The following NALF1 variants were observed in gnomAD, a reference collection of about 807,000 sequenced individuals.
NALF1 encodes family with sequence similarity 155 member A.
A neutral mutation model predicts 48.4 loss-of-function variants in NALF1; 3 were observed. That is an observed-to-expected ratio of 0.06 (90% CI 0.03 to 0.16). The LOEUF (loss-of-function observed/expected upper bound fraction) is 0.16, where lower values mean the gene tolerates loss of function less well. Among genes scored for constraint, NALF1 ranks in the 10% least tolerant of loss-of-function variants. NALF1 has a pLI of 1.00. For synonymous variants in NALF1, 262 were observed against 245.7 expected, an observed-to-expected ratio of 1.07 and a Z score of -0.62; for missense variants, 526 against 571.5, an observed-to-expected ratio of 0.92 and a Z score of 0.81.
intron 1 of NALF1, among the ~76,000 whole-genome samples, chr13:107,308,121 C>T (rs1413717533): frequency 1.3e-5 from 2 of 151,730 alleles, no homozygotes; most frequent in African/African-American, 4.8e-5. Flanking sequence ...CATTGCATTC[C>T]TCCATTATTT....
chr13:107,786,858 A>C (rs942754604), intron 1 of NALF1, among the ~76,000 whole-genome samples: 1 of 152,196 alleles, frequency 6.6e-6, no homozygotes, highest in Non-Finnish European at 1.5e-5. Context: ...ACTCACTGAA[A>C]TCTAACTCAC....
At chr13:107,328,273 TACACACACACACAC>T (rs34987619) in intron 1 of NALF1, among the ~76,000 whole-genome samples, 50 of 144,112 alleles carry the variant, frequency 3.5e-4, no homozygotes, top group Middle Eastern at 3.5e-3. Context: ...TCTCCTGCAA[TACACACACACACAC>T]ACACACACAC....
chr13:107,849,364 T>C (rs116292523), intron 1 of NALF1, among the ~76,000 whole-genome samples: 2,881 of 152,282 alleles, frequency 0.019, 45 homozygotes, highest in African/African-American at 0.045. Context: ...ATATTGATAG[T>C]TCTCTCCTCT....
chr13:107,286,578 C>A (rs1189373892), intron 1 of NALF1, among the ~76,000 whole-genome samples: 1 of 137,610 alleles, frequency 7.3e-6, no homozygotes, highest in African/African-American at 2.7e-5. Context: ...CAGAGTAAGA[C>A]CCTGTCTCAA....
intron 1 of NALF1, among the ~76,000 whole-genome samples, chr13:107,257,345 T>G (rs1241186936): frequency 6.6e-6 from 1 of 152,144 alleles, no homozygotes; most frequent in Non-Finnish European, 1.5e-5. Context: ...TGATCTCTCC[T>G]CCCATGGGGC....
At chr13:107,492,669 A>G (rs114855796) in intron 1 of NALF1, among the ~76,000 whole-genome samples, 2,793 of 152,180 alleles carry the variant, frequency 0.018, 101 homozygotes, top group African/African-American at 0.064. Context: ...TCAGTTTTGC[A>G]CTGTCTGTAA....
chr13:107,469,673 T>C (rs1292839975), intron 1 of NALF1, among the ~76,000 whole-genome samples: 1 of 151,912 alleles, frequency 6.6e-6, no homozygotes, highest in East Asian at 1.9e-4. Context: ...ATATTTTTTA[T>C]CTGTAGTTGG....
chr13:107,693,700 T>C (rs1185602575), intron 1 of NALF1, among the ~76,000 whole-genome samples: 1 of 152,056 alleles, frequency 6.6e-6, no homozygotes, highest in Non-Finnish European at 1.5e-5. Flanking sequence ...ATATCGCCAT[T>C]CTAATTGCCA....
Position 107,165,092 on chromosome 13 carries a change from G to T in NALF1, c.*5405C>A, listed in dbSNP as rs1878631640. On this transcript the variant is annotated 3_prime_UTR_variant, in exon 3 of 3. Coordinates refer to ENST00000375915, the MANE Select transcript of NALF1 (RefSeq NM_001080396.3). ...TCCCTAAACCATGGCTTTGCCCTAA[G>T]ATCCTGTGCCTTTTCTCCACATTAA... 6.6e-6 allele frequency: 1 copy of T among 152,126 alleles called. No individual in the cohort carries two copies. Among genetic ancestry groups the T allele is most frequent in the Admixed American group, 6.5e-5 (1 of 15,272 alleles). 9.4% of individuals were successfully genotyped at this position (152,126 alleles called of 1,614,324 possible).
chr13:107,432,122 C>G (rs1884392900), intron 1 of NALF1, among the ~76,000 whole-genome samples: 1 of 152,080 alleles, frequency 6.6e-6, no homozygotes, highest in African/African-American at 2.4e-5. Context: ...AGGAAGCTTT[C>G]AAACATGGCA....
chr13:107,830,642 G>A (rs1247122911), intron 1 of NALF1, among the ~76,000 whole-genome samples: 2 of 152,128 alleles, frequency 1.3e-5, no homozygotes, highest in African/African-American at 4.8e-5. Context: ...GGAGCGGGGG[G>A]AGGATTCTTG....
intron 2 of NALF1, among the ~76,000 whole-genome samples, chr13:107,184,842 T>C (rs1230538117): frequency 6.6e-6 from 1 of 152,218 alleles, no homozygotes; most frequent in Non-Finnish European, 1.5e-5. Context: ...CTGTGTTTTA[T>C]AGGTTACACT....
At chr13:107,454,332 T>C (rs1407879745) in intron 1 of NALF1, among the ~76,000 whole-genome samples, 1 of 152,182 alleles carries the variant, frequency 6.6e-6, no homozygotes, top group African/African-American at 2.4e-5. Flanking sequence ...CAGTTCAGCA[T>C]GTCTGGGGAG....
In NALF1 at chr13:107,334,216, G is replaced by C. The variant is rs183049109; in HGVS notation, c.916-123461C>G. Reference sequence around the variant, plus strand: ...TAGTAATAGTCTAAAGATTTGCATAGAGGGACATCATTTTAACCTGGGGTG... The same window carrying C: ...TAGTAATAGTCTAAAGATTTGCATACAGGGACATCATTTTAACCTGGGGTG... On this transcript the variant is annotated intron_variant, in intron 1 of 2. Transcript: ENST00000375915. Among the ~76,000 whole-genome samples, 178 of 152,270 alleles carry C rather than the reference G, an allele frequency of 1.2e-3. 2 individuals carry two copies. In the Middle Eastern group the frequency reaches 0.034, roughly 29 times the overall value.
At chr13:107,510,155 G>A (rs1024018761) in intron 1 of NALF1, among the ~76,000 whole-genome samples, 3 of 152,114 alleles carry the variant, frequency 2.0e-5, no homozygotes, top group Non-Finnish European at 4.4e-5. Context: ...TATCCCGGTA[G>A]AACACCTAAT....
chr13:107,257,200 C>G (rs1476561721), intron 1 of NALF1, among the ~76,000 whole-genome samples: 1 of 152,098 alleles, frequency 6.6e-6, no homozygotes, highest in Non-Finnish European at 1.5e-5. Flanking sequence ...CCAGTCACCT[C>G]CCTCCCTTGA....
rs189142390 is a variant in NALF1 at position 107,630,414 on chromosome 13, C to T, written c.915+235268G>A. Among the ~76,000 whole-genome samples the T allele has an allele frequency of 1.0e-3, 157 of 152,112 alleles. 2 individuals carry two copies. In the East Asian group the frequency reaches 0.02, roughly 19 times the overall value. ...CAGCATCCCCACCTGACTGGGAAAA[C>T]GCTCAAATATCACCCCCCGTCCAGC... is the stretch of plus-strand genomic sequence containing the variant. On this transcript the variant is annotated intron_variant, in intron 1 of 2. Coordinates refer to ENST00000375915, the MANE Select transcript of NALF1 (RefSeq NM_001080396.3).
intron 1 of NALF1, among the ~76,000 whole-genome samples, chr13:107,495,087 T>C (rs976658542): frequency 6.6e-6 from 1 of 152,222 alleles, no homozygotes; most frequent in Non-Finnish European, 1.5e-5. Context: ...ATTCTCTTGA[T>C]TGCTCAATGA....
At chr13:107,332,562 G>C (rs1348100387) in intron 1 of NALF1, among the ~76,000 whole-genome samples, 1 of 152,182 alleles carries the variant, frequency 6.6e-6, no homozygotes, top group Non-Finnish European at 1.5e-5. Flanking sequence ...TATTTCTATA[G>C]AAACAACTGC....
Sources: gnomAD v4.1 joint callset for allele counts (sites outside exome capture counted in the v4.1 genomes callset) on GRCh38, gnomAD v4.1.1 for gene constraint, MANE v1.5 for transcripts, NCBI Gene and HGNC (gene_info 2026-07-23, HGNC 2026-07-21) for gene names.